AKAIN1: variants seen among roughly 807,000 people sequenced by gnomAD.
The protein encoded by AKAIN1 is A-kinase anchor inhibitor 1.
AKAIN1 carries 3 observed loss-of-function variants against 3.7 expected under a neutral mutation model. The ratio of observed to expected loss-of-function variants is 0.82; its 90% CI spans 0.37 to 2.12. AKAIN1 has a LOEUF of 2.12. AKAIN1 is among the 30% of genes most tolerant of loss of function. The pLI is 0.06. For missense variants in AKAIN1, 82 were observed against 82.7 expected (o/e 0.99, Z 0.03); for synonymous variants, 31 against 30.8 (o/e 1.01, Z -0.02).
chr18:5,187,918 G>A (rs1051180799), intron 1 of AKAIN1, among the ~76,000 whole-genome samples: 5 of 152,054 alleles, frequency 3.3e-5, no homozygotes, highest in Non-Finnish European at 5.9e-5. Flanking sequence ...ATTCCCTCTA[G>A]CTGTGAACCT....
intron 1 of AKAIN1, among the ~76,000 whole-genome samples, chr18:5,195,567 A>G (rs967047494): frequency 4.6e-5 from 7 of 152,214 alleles, no homozygotes; most frequent in Non-Finnish European, 7.3e-5. Context: ...GGAGAAAAAG[A>G]CAGAATTCGA....
intron 1 of AKAIN1, among the ~76,000 whole-genome samples, chr18:5,149,889 A>C (rs7244790): frequency 0.081 from 12,301 of 152,178 alleles, 1,605 homozygotes; most frequent in African/African-American, 0.28. Context: ...TATGTTGACC[A>C]GCTTGGTCTC....
At chr18:5,173,740 G>A (rs932641409) in intron 1 of AKAIN1, among the ~76,000 whole-genome samples, 11 of 152,056 alleles carry the variant, frequency 7.2e-5, no homozygotes, top group African/African-American at 2.7e-4. Context: ...AAGTGCAGAG[G>A]GGCTGGTGAT....
intron 1 of AKAIN1, among the ~76,000 whole-genome samples, chr18:5,193,251 T>C (rs1214446682): frequency 6.6e-6 from 1 of 152,182 alleles, no homozygotes; most frequent in African/African-American, 2.4e-5. Flanking sequence ...CCATTTTTAT[T>C]CCTCCATGAA....
intron 1 of AKAIN1, among the ~76,000 whole-genome samples, chr18:5,167,728 AG>A (rs1264983578): frequency 2.0e-5 from 3 of 152,070 alleles, no homozygotes; most frequent in African/African-American, 7.2e-5. Context: ...AGTCTAGTCT[AG>A]TTGGTGCCAG....
At chr18:5,169,951 A>G (rs2071188357) in intron 1 of AKAIN1, among the ~76,000 whole-genome samples, 1 of 152,174 alleles carries the variant, frequency 6.6e-6, no homozygotes, top group East Asian at 1.9e-4. Flanking sequence ...GATGGCCTAA[A>G]GTTTTAATAA....
chr18:5,158,787 T>C (rs1321829506), intron 1 of AKAIN1, among the ~76,000 whole-genome samples: 1 of 152,224 alleles, frequency 6.6e-6, no homozygotes, highest in Non-Finnish European at 1.5e-5. Flanking sequence ...GTCATGAGCC[T>C]GTGCCGAGAA....
At chr18:5,149,471 C>T (rs1206011940) in intron 1 of AKAIN1, among the ~76,000 whole-genome samples, 1 of 152,156 alleles carries the variant, frequency 6.6e-6, no homozygotes, top group Non-Finnish European at 1.5e-5. Context: ...CATATTACAA[C>T]TCAGATATTG....
In AKAIN1 at chr18:5,148,189, T is replaced by C. The variant is rs75665324; in HGVS notation, c.17-2434A>G. ...CTGTTGTAACTGAGAAACTCAAAAATAGGACAGCTCACACAAGAGAAATTC... is the reference window on the plus strand; with the variant it reads ...CTGTTGTAACTGAGAAACTCAAAAACAGGACAGCTCACACAAGAGAAATTC... On this transcript the variant is annotated intron_variant, in intron 1 of 1. Transcript: ENST00000434239. Among the ~76,000 whole-genome samples, 273 of 152,298 alleles carry C rather than the reference T, an allele frequency of 1.8e-3. 2 individuals carry two copies. Among genetic ancestry groups the C allele is most frequent in the African/African-American group, 6.2e-3 (259 of 41,570 alleles).
chr18:5,184,444 TG>T (rs1405630809), intron 1 of AKAIN1, among the ~76,000 whole-genome samples: 2 of 152,058 alleles, frequency 1.3e-5, no homozygotes, highest in Admixed American at 1.3e-4. Flanking sequence ...TAGAAAATTC[TG>T]TAGTCGCTGC....
At chr18:5,146,832 T>G (rs2071052309) in intron 1 of AKAIN1, among the ~76,000 whole-genome samples, 1 of 152,154 alleles carries the variant, frequency 6.6e-6, no homozygotes, top group Non-Finnish European at 1.5e-5. Flanking sequence ...AAAACTTTAT[T>G]TACAAAAAAA....
intron 1 of AKAIN1, among the ~76,000 whole-genome samples, chr18:5,167,927 A>G (rs534915283): frequency 1.3e-5 from 2 of 152,176 alleles, no homozygotes; most frequent in Admixed American, 6.6e-5. Context: ...TTCATGAATT[A>G]TCTCATCTAT....
chr18:5,145,487 A>C lies in AKAIN1; in HGVS notation c.*75T>G. ...TGACACTTCGGTTTGCTTTACTGGCAACATTTTGGAGATGCGTCCTATACT... is the reference window on the plus strand; with the variant it reads ...TGACACTTCGGTTTGCTTTACTGGCCACATTTTGGAGATGCGTCCTATACT... On this transcript the variant is annotated 3_prime_UTR_variant, in exon 2 of 2. Coordinates refer to ENST00000434239, the MANE Select transcript of AKAIN1 (RefSeq NM_001145194.2). 7.8e-7 allele frequency: 1 copy of C among 1,279,288 alleles called. No homozygotes were observed. The highest frequency in any genetic ancestry group is 2.2e-5 in the Admixed American group (1 of 44,654). The allele number at this position is 1,279,288 out of a possible 1,614,324, so 79.2% of individuals were successfully genotyped here. A position where few individuals can be genotyped will look rare whatever the true frequency, so the allele number is the denominator to read the frequency against.
intron 1 of AKAIN1, among the ~76,000 whole-genome samples, chr18:5,188,911 C>T (rs535948555): frequency 8.5e-5 from 13 of 152,180 alleles, no homozygotes; most frequent in Non-Finnish European, 1.5e-4. Context: ...TGTCCATTCT[C>T]TCTCAGCTGA....
At chr18:5,188,206 T>A (rs2071298449) in intron 1 of AKAIN1, among the ~76,000 whole-genome samples, 1 of 152,064 alleles carries the variant, frequency 6.6e-6, no homozygotes, top group Non-Finnish European at 1.5e-5. Context: ...AGTTCATGCT[T>A]CAGCTCTCTT....
At chr18:5,157,093 G>A (rs2071112651) in intron 1 of AKAIN1, among the ~76,000 whole-genome samples, 1 of 152,158 alleles carries the variant, frequency 6.6e-6, no homozygotes. Context: ...ATTTTAAGAT[G>A]TGAAATGATT....
rs181479292 is a variant in AKAIN1, at chr18:5,196,892, G to A, written c.16+146C>T. On this transcript the variant is annotated intron_variant, in intron 1 of 1. Transcript: ENST00000434239. ...GAGAGGGGCGAAGGCGACGCGCCGA[G>A]GCACTCCTCCGCCCCATGAGCACAG... 8.9e-4 allele frequency: 664 copies of A among 745,316 alleles called. 3 individuals carry two copies. In the African/African-American group the frequency reaches 9.8e-3, roughly 11 times the overall value. 46.2% of individuals were successfully genotyped at this position (745,316 alleles called of 1,614,324 possible).
At chr18:5,196,249 G>C (rs894095045) in intron 1 of AKAIN1, among the ~76,000 whole-genome samples, 3 of 152,156 alleles carry the variant, frequency 2.0e-5, no homozygotes, top group Admixed American at 6.5e-5. Flanking sequence ...AGACAGCGTC[G>C]GACGTTCACA....
intron 1 of AKAIN1, among the ~76,000 whole-genome samples, chr18:5,191,224 T>G (rs1267180145): frequency 6.6e-6 from 1 of 152,178 alleles, no homozygotes; most frequent in African/African-American, 2.4e-5. Flanking sequence ...AAAACTTTTT[T>G]CAAAGTACCT....
Sources: gnomAD v4.1 joint callset for allele counts (sites outside exome capture counted in the v4.1 genomes callset) on GRCh38, gnomAD v4.1.1 for gene constraint, MANE v1.5 for transcripts, NCBI Gene and HGNC (gene_info 2026-07-23, HGNC 2026-07-21) for gene names.